Variants in ALK observed in about 807,000 individuals in gnomAD.
The protein encoded by ALK is ALK receptor tyrosine kinase.
Under a neutral mutation model 163.1 loss-of-function variants are expected in ALK, and 74 were observed. That is an observed-to-expected ratio of 0.45 (90% CI 0.38 to 0.55). ALK has a LOEUF of 0.55. Among genes scored for constraint, ALK ranks in the 20% least tolerant of loss-of-function variants. The pLI is 0.00. For missense variants in ALK, 2,063 were observed against 2,105.3 expected, an observed-to-expected ratio of 0.98 and a Z score of 0.39; for synonymous variants, 960 against 843.2, an observed-to-expected ratio of 1.14 and a Z score of -2.40.
intron 3 of ALK, among the ~76,000 whole-genome samples, chr2:29,685,798 G>A (rs1678220548): frequency 6.6e-6 from 1 of 152,210 alleles, no homozygotes. Context: ...AGTCTAAAAT[G>A]GGTTGGTGGA....
intron 1 of ALK, among the ~76,000 whole-genome samples, chr2:29,813,711 A>AGCATCCACATCTGCCGACT (rs1172164243): frequency 4.6e-5 from 7 of 152,220 alleles, no homozygotes; most frequent in African/African-American, 1.7e-4. Context: ...TGAACTCTAC[A>AGCATCCACATCTGCCGACT]GCATCCACAT....
chr2:29,339,770 G>A (rs1200967655), intron 5 of ALK, among the ~76,000 whole-genome samples: 1 of 152,130 alleles, frequency 6.6e-6, no homozygotes, highest in African/African-American at 2.4e-5. Context: ...GGTGAGAGAG[G>A]ACAACATAAA....
intron 2 of ALK, among the ~76,000 whole-genome samples, chr2:29,701,285 T>C (rs1416471488): frequency 1.3e-5 from 2 of 152,224 alleles, no homozygotes; most frequent in African/African-American, 2.4e-5. Context: ...ACTAGTTTTC[T>C]AAATCACCTT....
intron 1 of ALK, among the ~76,000 whole-genome samples, chr2:29,747,644 G>T (rs940197521): frequency 6.6e-6 from 1 of 152,156 alleles, no homozygotes; most frequent in Admixed American, 6.5e-5. Flanking sequence ...ATACTCCAAA[G>T]AATTTCCAGT....
intron 1 of ALK, among the ~76,000 whole-genome samples, chr2:29,866,281 T>C (rs1243298458): frequency 6.6e-6 from 1 of 152,102 alleles, no homozygotes; most frequent in Admixed American, 6.5e-5. Flanking sequence ...CTAGCACATC[T>C]CAGGAACTGA....
intron 1 of ALK, among the ~76,000 whole-genome samples, chr2:29,763,693 G>T (rs1159201946): frequency 2.6e-5 from 4 of 152,092 alleles, no homozygotes; most frequent in Admixed American, 2.0e-4. Flanking sequence ...CTGTCCCGCT[G>T]CCCCTTTCCT....
chr2:29,781,081 G>A (rs1408808120), intron 1 of ALK, among the ~76,000 whole-genome samples: 3 of 152,280 alleles, frequency 2.0e-5, no homozygotes, highest in South Asian at 4.1e-4. Context: ...AGAATAAACA[G>A]AACAAAGATG....
chr2:29,916,185 C>T (rs960851709), intron 1 of ALK, among the ~76,000 whole-genome samples: 3 of 152,230 alleles, frequency 2.0e-5, no homozygotes, highest in Non-Finnish European at 4.4e-5. Context: ...CATTGGAATT[C>T]CATTCCATAG....
intron 8 of ALK, among the ~76,000 whole-genome samples, chr2:29,310,837 C>CCTCCCACTCA (rs1558664381): frequency 6.6e-6 from 1 of 152,156 alleles, no homozygotes; most frequent in African/African-American, 2.4e-5. Flanking sequence ...CACAGGGTAG[C>CCTCCCACTCA]CGTGGGAGGT....
At chr2:29,688,769 CCTGA>C (rs1678309330) in intron 3 of ALK, among the ~76,000 whole-genome samples, 1 of 152,198 alleles carries the variant, frequency 6.6e-6, no homozygotes, top group African/African-American at 2.4e-5. Flanking sequence ...TCTTACCTCT[CCTGA>C]CTGTTTCCCC....
At chr2:29,561,235 T>C (rs1674014271) in intron 3 of ALK, among the ~76,000 whole-genome samples, 1 of 152,208 alleles carries the variant, frequency 6.6e-6, no homozygotes, top group South Asian at 2.1e-4. Flanking sequence ...GATCCCACGA[T>C]AGCTGTTAAA....
intron 2 of ALK, among the ~76,000 whole-genome samples, chr2:29,710,777 C>T (rs1679069292): frequency 6.6e-6 from 1 of 152,140 alleles, no homozygotes; most frequent in Admixed American, 6.5e-5. Context: ...TTCCAAATTG[C>T]TGGGATTACA....
chr2:29,637,239 T>A (rs1166735069), intron 3 of ALK, among the ~76,000 whole-genome samples: 1 of 152,178 alleles, frequency 6.6e-6, no homozygotes, highest in Non-Finnish European at 1.5e-5. Flanking sequence ...TACCATGGAA[T>A]ATCACTCAGC....
chr2:29,816,802 C>T, intron 1 of ALK, among the ~76,000 whole-genome samples: 1 of 152,146 alleles, frequency 6.6e-6, no homozygotes, highest in Middle Eastern at 3.2e-3. Context: ...ACAGCTCCTC[C>T]CAGCCTGACG....
intron 9 of ALK, among the ~76,000 whole-genome samples, chr2:29,276,029 A>C (rs1466733308): frequency 6.6e-6 from 1 of 152,208 alleles, no homozygotes; most frequent in African/African-American, 2.4e-5. Flanking sequence ...AAAGAACCAC[A>C]GTTCCACCAG....
chr2:29,495,059 T>C (rs1671992826), intron 4 of ALK, among the ~76,000 whole-genome samples: 1 of 152,286 alleles, frequency 6.6e-6, no homozygotes, highest in South Asian at 2.1e-4. Context: ...AAAAAAATAA[T>C]AATTCTCCTA....
At chr2:29,833,146 G>A (rs1158603280) in intron 1 of ALK, among the ~76,000 whole-genome samples, 1 of 152,202 alleles carries the variant, frequency 6.6e-6, no homozygotes, top group East Asian at 1.9e-4. Flanking sequence ...CCTCATGCCT[G>A]GAAGGAAAGT....
In ALK at chr2:29,222,505, G is replaced by A. The variant is rs1669831571; in HGVS notation, c.3450+12C>T. ...AAGCCAAGGGCAGGCTCAAGAGTGA[G>A]CCACTTCTTACCTTCACAGCCACTT... On this transcript the variant is annotated intron_variant, in intron 21 of 28. Coordinates refer to ENST00000389048, the MANE Select transcript of ALK (RefSeq NM_004304.5). 11 of 1,614,140 alleles carry A rather than the reference G, an allele frequency of 6.8e-6. No homozygotes were observed. In the East Asian group the frequency reaches 2.5e-4, roughly 36 times the overall value.
chr2:29,547,112 T>C (rs1280746054), intron 3 of ALK, among the ~76,000 whole-genome samples: 1 of 152,204 alleles, frequency 6.6e-6, no homozygotes, highest in Non-Finnish European at 1.5e-5. Flanking sequence ...GCAAGATGGC[T>C]AGGCTGAGTT....
Sources: gnomAD v4.1 joint callset for allele counts (sites outside exome capture counted in the v4.1 genomes callset) on GRCh38, gnomAD v4.1.1 for gene constraint, MANE v1.5 for transcripts, NCBI Gene and HGNC (gene_info 2026-07-23, HGNC 2026-07-21) for gene names.